Variants in HMCN2 observed in about 807,000 individuals in gnomAD.
HMCN2 encodes the protein hemicentin-2.
A neutral mutation model predicts 377.5 loss-of-function variants in HMCN2; 325 were observed. The ratio of observed to expected loss-of-function variants is 0.86; its 90% confidence interval spans 0.79 to 0.94. The LOEUF is 0.94. HMCN2 is among the 40% of genes least tolerant of loss of function. HMCN2 has a pLI of 0.00. For synonymous variants in HMCN2, 2,007 were observed against 2,046.8 expected (o/e 0.98, Z 0.53); for missense variants, 4,543 against 4,725.3 (o/e 0.96, Z 1.13).
chr9:130,287,255 CT>C (rs1835465101), intron 4 of HMCN2, among the ~76,000 whole-genome samples: 1 of 152,138 alleles, frequency 6.6e-6, no homozygotes. Flanking sequence ...TCTGGTCCCC[CT>C]GGTATCCCCT....
intron 54 of HMCN2, among the ~76,000 whole-genome samples, chr9:130,381,711 G>A (rs921777717): frequency 1.3e-5 from 2 of 152,004 alleles, no homozygotes; most frequent in African/African-American, 2.4e-5. Context: ...GGTCCCAGGC[G>A]ATGCCTCCCC....
intron 37 of HMCN2, 82 bp downstream of exon 37, chr9:130,359,496 C>T: frequency 1.7e-6 from 1 of 594,988 alleles, no homozygotes; most frequent in Non-Finnish European, 2.7e-6. Flanking sequence ...CAGGGACTCT[C>T]TGATTGGACA....
chr9:130,373,817 G>A (rs918106953), intron 48 of HMCN2, among the ~76,000 whole-genome samples: 2 of 110,158 alleles, frequency 1.8e-5, no homozygotes, highest in South Asian at 6.5e-4. Context: ...AGGTGGATGG[G>A]TAGATGAATG....
chr9:130,371,106 C>G lies in HMCN2; in HGVS notation c.7212C>G (p.Pro2404=). ...RWFRGEEPVS[P]GEDTYLLAGG... ...TCCGAGGGGAGGAGCCTGTCAGCCC[C>G]GGGGAGGACACCTACCTGCTGGCAG... The change falls in exon 46 of 98, where the codon CCC becomes CCG. Residue 2404 remains proline (P), a synonymous_variant. Coordinates refer to ENST00000683500, the MANE Select transcript of HMCN2 (RefSeq NM_001291815.2). 1.0e-6 allele frequency: 1 copy of G among 985,950 alleles called. No homozygotes were observed. Among genetic ancestry groups the G allele is most frequent in the South Asian group, 4.7e-5 (1 of 21,282 alleles). 61.1% of individuals were successfully genotyped at this position (985,950 alleles called of 1,614,324 possible).
intron 1 of HMCN2, among the ~76,000 whole-genome samples, chr9:130,280,089 A>C (rs1554925076): frequency 6.6e-6 from 1 of 151,550 alleles, no homozygotes; most frequent in African/African-American, 2.4e-5. Context: ...CCCCAGGAGG[A>C]ATGCAGCCCT....
chr9:130,418,941 G>A lies in HMCN2; in HGVS notation c.13131G>A (p.Leu4377=), dbSNP rs1423605557. Residue 4377 remains leucine (L), a synonymous_variant, in exon 86 of 98, where the codon CTG becomes CTA. Coordinates refer to ENST00000683500, the MANE Select transcript of HMCN2 (RefSeq NM_001291815.2). ...RRLRTLPDGS[L]WLENVETGDA... The stretch of plus-strand genomic sequence containing the variant: ...TCCGGACCCTGCCCGATGGGAGCCT[G>A]TGGCTGGAGAACGTGGAGACTGGGG... 1 of 1,541,954 alleles carries A rather than the reference G, an allele frequency of 6.5e-7. No homozygotes were observed.
Position 130,394,263 on chromosome 9 carries a change from G to A in HMCN2, c.10502-122G>A. ...TTTCCACCAAACCTTGGTGGCAGAT[G>A]CAAGAACAAGGGCCACCAAAATGTG... On this transcript the variant is annotated intron_variant, in intron 68 of 97. Transcript: ENST00000683500. The surrounding 1 kb of genome is among the most constrained non-coding windows in gnomAD (Gnocchi z 5.1). The A allele has an allele frequency of 1.5e-6, 1 of 648,870 alleles. No homozygotes were observed. Among genetic ancestry groups the A allele is most frequent in the Non-Finnish European group, 2.3e-6 (1 of 441,536 alleles). The allele number at this position is 648,870 out of a possible 1,614,324, so 40.2% of individuals were successfully genotyped here.
In HMCN2 at chr9:130,351,040, C is replaced by T. The variant is rs1192881328; in HGVS notation, c.4431-383C>T. On this transcript the variant is annotated intron_variant, in intron 29 of 97. Transcript: ENST00000683500. The surrounding 1 kb of genome is among the most constrained non-coding windows in gnomAD (Gnocchi z 5.4). ...CCCATCAGCAGCCAGTCGCTGTCCC[C>T]TTCTCCCCAGCCCCTGGCAACCACA... Among the ~76,000 whole-genome samples the T allele has an allele frequency of 1.3e-5, 2 of 152,222 alleles. No homozygotes were observed. Among genetic ancestry groups the T allele is most frequent in the Admixed American group, 6.5e-5 (1 of 15,286 alleles).
At position 130,391,252 on chromosome 9, in the gene HMCN2, TGGAA is replaced by T; in HGVS notation, c.9719_9722del (p.Glu3240GlyfsTer21). 1.0e-6 allele frequency: 1 copy of T among 987,692 alleles called. No homozygotes were observed. Among genetic ancestry groups the T allele is most frequent in the East Asian group, 1.1e-4 (1 of 8,808 alleles). The allele number at this position is 987,692 out of a possible 1,614,324, so 61.2% of individuals were successfully genotyped here. ...GGCGTGGCGCGGGAGCACCATGTCT[TGGAA>T]GGGCAGGAGGTGCGGCTGGACTGTG... is the stretch of plus-strand genomic sequence containing the variant. On this transcript the variant is annotated frameshift_variant, in exon 64 of 98. Transcript: ENST00000683500. LOFTEE classifies it high-confidence loss of function.
rs1398746493 is a variant in HMCN2 at position 130,431,454 on chromosome 9, A to G, written c.14735A>G (p.Tyr4912Cys). 6.5e-7 allele frequency: 1 copy of G among 1,550,042 alleles called. No homozygotes were observed. Among genetic ancestry groups the G allele is most frequent in the South Asian group, 1.2e-5 (1 of 84,052 alleles). The stretch of plus-strand genomic sequence containing the variant: ...TACCAGTGCCTGTGCCCCGCCGGCT[A>G]CCGTCTGCTCCCCAGCGGGAAGAAC... ...GSYQCLCPAG[Y>C]RLLPSGKNCQ... is the part of the protein sequence containing the mutation. The change falls in exon 96 of 98, where the codon TAC becomes TGC. Residue 4912 changes from tyrosine (Y) to cysteine (C), a missense_variant. By Grantham distance (194) the Tyr-to-Cys change is radical (BLOSUM62 -2). Around this residue, in one of 5 missense-constraint regions of HMCN2, gnomAD observed 1,155 missense variants for 1,157.7 expected, o/e 1.00. Coordinates refer to ENST00000683500, the MANE Select transcript of HMCN2 (RefSeq NM_001291815.2).
Position 130,400,830 on chromosome 9 carries a change from A to G in HMCN2, c.11653A>G (p.Met3885Val), listed in dbSNP as rs1375437348. 7.8e-7 allele frequency: 1 copy of G among 1,289,394 alleles called. No homozygotes were observed. The highest frequency in any genetic ancestry group is 2.3e-5 in the Admixed American group (1 of 43,512). 79.9% of individuals were successfully genotyped at this position (1,289,394 alleles called of 1,614,324 possible). ...CCAGACAGACTTCACCGTGACCATG[A>G]TGGCACCTGTGGTCCTCACATGTCA... ...DDQTDFTVTM[M>V]APVVLTCHST... Residue 3885 changes from methionine (M) to valine (V), a missense_variant, in exon 77 of 98, where the codon ATG becomes GTG. Met to Val is a conservative substitution (Grantham distance 21). Coordinates refer to ENST00000683500, the MANE Select transcript of HMCN2 (RefSeq NM_001291815.2).
intron 15 of HMCN2, among the ~76,000 whole-genome samples, chr9:130,313,380 G>A (rs879202021): frequency 0.27 from 41,704 of 152,000 alleles, 6,064 homozygotes; most frequent in Non-Finnish European, 0.32. Flanking sequence ...CGAGGCACTG[G>A]TGGATTACCT....
At chr9:130,425,203 C>G (rs780905424) in intron 89 of HMCN2, 73 bp downstream of exon 89, 165 of 1,445,862 alleles carry the variant, frequency 1.1e-4, no homozygotes, top group Non-Finnish European at 1.5e-4. Flanking sequence ...CTCAACCACC[C>G]CTGAGCAGCC....
intron 18 of HMCN2, among the ~76,000 whole-genome samples, 163 bp from the exon 19 acceptor site, chr9:130,321,624 C>T (rs952372620): frequency 2.0e-5 from 3 of 152,068 alleles, no homozygotes; most frequent in Non-Finnish European, 4.4e-5. Flanking sequence ...ACTGGGCACT[C>T]GGGAAGGACT....
intron 54 of HMCN2, among the ~76,000 whole-genome samples, chr9:130,381,256 C>T (rs1213567293): frequency 6.6e-6 from 1 of 152,168 alleles, no homozygotes; most frequent in Non-Finnish European, 1.5e-5. Context: ...GTCAAGCTAC[C>T]CACAGCCCGG....
intron 4 of HMCN2, among the ~76,000 whole-genome samples, chr9:130,286,595 G>A (rs1554927873): frequency 6.6e-6 from 1 of 152,238 alleles, no homozygotes; most frequent in Non-Finnish European, 1.5e-5. Flanking sequence ...GCTGAGGCTT[G>A]ACGCAGCCCC....
rs1464544116 is a variant in HMCN2, at chr9:130,369,474, G to T, written c.6788-96G>T. On this transcript the variant is annotated intron_variant, in intron 44 of 97. Coordinates refer to ENST00000683500, the MANE Select transcript of HMCN2 (RefSeq NM_001291815.2). The surrounding 1 kb of genome is among the most constrained non-coding windows in gnomAD (Gnocchi z 4.5). The stretch of plus-strand genomic sequence containing the variant: ...GAGGTCACACAGCCAGCGATGGCAA[G>T]GGGAGAGGGTGTGTCCCTATTGGGC... 1.5e-6 allele frequency: 1 copy of T among 683,908 alleles called. No homozygotes were observed. The highest frequency in any genetic ancestry group is 1.8e-6 in the Non-Finnish European group (1 of 554,280). 42.4% of individuals were successfully genotyped at this position (683,908 alleles called of 1,614,324 possible).
chr9:130,267,470 A>G (rs1368959239), intron 1 of HMCN2, among the ~76,000 whole-genome samples: 6 of 139,454 alleles, frequency 4.3e-5, no homozygotes, highest in African/African-American at 1.1e-4. Context: ...ACACACACAC[A>G]CACACACGCA....
chr9:130,352,940 C>G lies in HMCN2; in HGVS notation c.4599C>G (p.Ile1533Met). ...FQLRVHAPPT[I>M]WGSNETGEVA... ...TTTCCTTCTCAGCGCCCCCCACTATCTGGGGCTCCAACGAGACAGGCGAGG... is the reference window on the plus strand; with the variant it reads ...TTTCCTTCTCAGCGCCCCCCACTATGTGGGGCTCCAACGAGACAGGCGAGG... Residue 1533 changes from isoleucine to methionine, a missense_variant, in exon 31 of 98, where the codon ATC (isoleucine) becomes ATG (methionine). Coordinates refer to ENST00000683500, the MANE Select transcript of HMCN2 (RefSeq NM_001291815.2). The G allele has an allele frequency of 7.8e-7, 1 of 1,289,488 alleles. No homozygotes were observed. The highest frequency in any genetic ancestry group is 1.3e-5 in the South Asian group (1 of 78,836). The allele number at this position is 1,289,488 out of a possible 1,614,324, so 79.9% of individuals were successfully genotyped here.
Sources: allele counts gnomAD v4.1 joint callset (sites outside exome capture counted in the v4.1 genomes callset), GRCh38; gene constraint gnomAD v4.1.1; regional missense constraint gnomAD v4.1.1; non-coding constraint Gnocchi (gnomAD v3.1); transcripts MANE v1.5; gene names NCBI Gene and HGNC (gene_info 2026-07-23, HGNC 2026-07-21).